Variants in CYP20A1 observed in about 807,000 individuals in gnomAD.
CYP20A1 encodes the protein cytochrome P450 20A1.
Under a neutral mutation model 61.4 loss-of-function variants are expected in CYP20A1, and 61 were observed. The ratio of observed to expected loss-of-function variants is 0.99; its 90% CI spans 0.81 to 1.23. The LOEUF is 1.23. CYP20A1 is among the 50% of genes most tolerant of loss of function. The pLI is 0.00. For synonymous variants in CYP20A1, 193 were observed against 188.2 expected (o/e 1.03, Z -0.21); for missense variants, 530 against 542.4 (o/e 0.98, Z 0.23).
chr2:203,262,148 A>G (rs1341655863), intron 4 of CYP20A1, among the ~76,000 whole-genome samples: 1 of 152,240 alleles, frequency 6.6e-6, no homozygotes, highest in African/African-American at 2.4e-5. Flanking sequence ...ATACTGAGAA[A>G]GCTTAACATC....
In CYP20A1 at chr2:203,298,439, A is replaced by C. The variant is rs1429168390; in HGVS notation, c.*1531A>C. 6.6e-6 allele frequency among the ~76,000 whole-genome samples: 1 copy of C among 150,628 alleles called. No individual in the cohort carries two copies. The highest frequency in any genetic ancestry group is 2.4e-5 in the African/African-American group (1 of 40,894). On this transcript the variant is annotated 3_prime_UTR_variant, in exon 13 of 13. Transcript: ENST00000356079. ...CCGGGCTCGGTGGCTCATGCCTATA[A>C]TACTTTGGGAGGCCGAGGCAGGTGG...
rs141074541 is a variant in CYP20A1, at chr2:203,288,314, C to T, written c.972-1451C>T. ...CTCCTGGCCTCAAGTGATCCACCCGCCTCTGGCTCCCAAAATGCTGGGATT... is the reference window on the plus strand; with the variant it reads ...CTCCTGGCCTCAAGTGATCCACCCGTCTCTGGCTCCCAAAATGCTGGGATT... On this transcript the variant is annotated intron_variant, in intron 9 of 12. Transcript: ENST00000356079. 2.4e-3 allele frequency among the ~76,000 whole-genome samples: 370 copies of T among 151,978 alleles called. 1 individual carries two copies. Among genetic ancestry groups the T allele is most frequent in the African/African-American group, 8.2e-3 (342 of 41,486 alleles).
In CYP20A1 at chr2:203,239,197, C is replaced by T. The variant is rs1031394668; in HGVS notation, c.72+63C>T. ...GCCCCAGTCTCTCTGTCGCCGGCAT[C>T]CAGGCCAACCTGCCCGCTGCGGGCC... On this transcript the variant is annotated intron_variant, in intron 1 of 12. Coordinates refer to ENST00000356079, the MANE Select transcript of CYP20A1 (RefSeq NM_177538.3). The T allele has an allele frequency of 2.7e-5, 37 of 1,380,376 alleles. No homozygotes were observed. The African/African-American group carries it at 4.7e-4, about 18-fold the overall frequency. The allele number at this position is 1,380,376 out of a possible 1,614,324, so 85.5% of individuals were successfully genotyped here. A position where few individuals can be genotyped will look rare whatever the true frequency, so the allele number is the denominator to read the frequency against.
At position 203,298,234 on chromosome 2, in the gene CYP20A1, A is replaced by G. The variant is rs1575289501; in HGVS notation, c.*1326A>G. The stretch of plus-strand genomic sequence containing the variant: ...GAGACCCTGCCTCTACAAATATACA[A>G]AAAAATTACTGGGCATGGTGACACA... On this transcript the variant is annotated 3_prime_UTR_variant, in exon 13 of 13. Transcript: ENST00000356079. 1 of 157,628 alleles carries G rather than the reference A, an allele frequency of 6.3e-6. No homozygotes were observed. The allele number at this position is 157,628 out of a possible 1,614,324, so 9.8% of individuals were successfully genotyped here. A position where few individuals can be genotyped will look rare whatever the true frequency, so the allele number is the denominator to read the frequency against.
At chr2:203,266,414 A>G (rs2067324751) in intron 4 of CYP20A1, 100 bp from the exon 5 acceptor site, 1 of 1,025,738 alleles carries the variant, frequency 9.7e-7, no homozygotes, top group African/African-American at 1.6e-5. Context: ...CTTTGGTTAC[A>G]GAGTTTAACT....
intron 10 of CYP20A1, among the ~76,000 whole-genome samples, chr2:203,291,705 T>G (rs2068542726): frequency 6.6e-6 from 1 of 152,100 alleles, no homozygotes; most frequent in African/African-American, 2.4e-5. Context: ...TACTTTAAGT[T>G]TTAGGGTACA....
chr2:203,272,030 G>A (rs62183904), intron 5 of CYP20A1, among the ~76,000 whole-genome samples: 68,327 of 152,018 alleles, frequency 0.45, 17,021 homozygotes, highest in Middle Eastern at 0.67. Flanking sequence ...CTGTCTCGGC[G>A]TGGGGGAAGA....
In CYP20A1 at chr2:203,301,995, G is replaced by A. The variant is rs1359596179; in HGVS notation, c.*5087G>A. On this transcript the variant is annotated 3_prime_UTR_variant, in exon 13 of 13. Coordinates refer to ENST00000356079, the MANE Select transcript of CYP20A1 (RefSeq NM_177538.3). ...GGCTGGAGTGCCATGGCACCATCTCGGCTCACTGCAACCTCTGCTTCCCAG... is the reference window on the plus strand; with the variant it reads ...GGCTGGAGTGCCATGGCACCATCTCAGCTCACTGCAACCTCTGCTTCCCAG... Among the ~76,000 whole-genome samples, 2 of 138,608 alleles carry A rather than the reference G, an allele frequency of 1.4e-5. No individual in the cohort carries two copies. Among genetic ancestry groups the A allele is most frequent in the African/African-American group, 2.7e-5 (1 of 36,928 alleles). The allele number at this position is 138,608 out of a possible 152,430, so 90.9% of individuals were successfully genotyped here.
At chr2:203,296,362 C>T (rs1363078865) in intron 11 of CYP20A1, 112 bp from the exon 12 acceptor site, 3 of 592,442 alleles carry the variant, frequency 5.1e-6, no homozygotes, top group East Asian at 6.4e-5. Context: ...TGTAAGAGCA[C>T]TTTCTATTTT....
At chr2:203,252,708 T>G (rs550467113) in intron 4 of CYP20A1, among the ~76,000 whole-genome samples, 24 of 152,164 alleles carry the variant, frequency 1.6e-4, no homozygotes, top group African/African-American at 5.5e-4. Context: ...GAGAGTTCCT[T>G]ATTCCCACTA....
At chr2:203,282,136 C>G (rs1575247656) in intron 8 of CYP20A1, among the ~76,000 whole-genome samples, 1 of 145,808 alleles carries the variant, frequency 6.9e-6, no homozygotes, top group Non-Finnish European at 1.5e-5. Context: ...CTCCTCGATT[C>G]AAGTGATTCT....
At chr2:203,292,201 C>T (rs1013977198) in intron 10 of CYP20A1, 61 bp from the exon 11 acceptor site, 7 of 1,064,820 alleles carry the variant, frequency 6.6e-6, no homozygotes, top group African/African-American at 1.6e-5. Flanking sequence ...AATAAGTTGA[C>T]TTTCTAGGAG....
At position 203,303,892 on chromosome 2, in the gene CYP20A1, A is replaced by AC. The variant is rs897739526; in HGVS notation, c.*6984_*6985insC. Reference sequence around the variant, plus strand: ...ACTGTCTCAAAAAAAAAAAAAAAAAAAACTTATTGAGAGAATAATATACCA... The same window carrying AC: ...ACTGTCTCAAAAAAAAAAAAAAAAAACAACTTATTGAGAGAATAATATACCA... On this transcript the variant is annotated 3_prime_UTR_variant, in exon 13 of 13. Coordinates refer to ENST00000356079, the MANE Select transcript of CYP20A1 (RefSeq NM_177538.3). Among the ~76,000 whole-genome samples, 8 of 150,896 alleles carry AC rather than the reference A, an allele frequency of 5.3e-5. No homozygotes were observed. Among genetic ancestry groups the AC allele is most frequent in the African/African-American group, 1.9e-4 (8 of 41,118 alleles).
chr2:203,277,310 T>A (rs1288782144), intron 6 of CYP20A1, among the ~76,000 whole-genome samples: 1 of 149,944 alleles, frequency 6.7e-6, no homozygotes, highest in Non-Finnish European at 1.5e-5. Context: ...ATTGCGCCAC[T>A]GCACCCCAGC....
At chr2:203,264,428 G>A (rs1369608055) in intron 4 of CYP20A1, among the ~76,000 whole-genome samples, 1 of 152,048 alleles carries the variant, frequency 6.6e-6, no homozygotes, top group Non-Finnish European at 1.5e-5. Context: ...TTGCCTTAAA[G>A]TTTATTTTTC....
In CYP20A1 at chr2:203,297,061, AT is replaced by A. The variant is rs2068834263; in HGVS notation, c.*157del. 1 of 518,598 alleles carries A rather than the reference AT, an allele frequency of 1.9e-6. No homozygotes were observed. Among genetic ancestry groups the A allele is most frequent in the African/African-American group, 2.0e-5 (1 of 50,054 alleles). The allele number at this position is 518,598 out of a possible 1,614,324, so 32.1% of individuals were successfully genotyped here. On this transcript the variant is annotated 3_prime_UTR_variant, in exon 13 of 13. Transcript: ENST00000356079. Reference sequence around the variant, plus strand: ...GTAAATTTGGATTTTTATATATCATATTTTCTTAATTCATTGTACACATTTG... The same window carrying A: ...GTAAATTTGGATTTTTATATATCATATTTCTTAATTCATTGTACACATTTG...
At chr2:203,240,289 C>G (rs2066210731) in intron 1 of CYP20A1, among the ~76,000 whole-genome samples, 1 of 152,152 alleles carries the variant, frequency 6.6e-6, no homozygotes, top group Admixed American at 6.5e-5. Context: ...ATCTTATTTT[C>G]TGAGAAACTA....
Position 203,278,558 on chromosome 2 carries a change from G to T in CYP20A1, c.680-15G>T. On this transcript the variant is annotated splice_polypyrimidine_tract_variant and intron_variant, in intron 6 of 12. Transcript: ENST00000356079. ...AATGCTTGTATTCTAAAATTATTTTGTTTTTTTCTCTAAGCCCTCATGCAA... is the reference window on the plus strand; with the variant it reads ...AATGCTTGTATTCTAAAATTATTTTTTTTTTTTCTCTAAGCCCTCATGCAA... 4 of 1,335,000 alleles carry T rather than the reference G, an allele frequency of 3.0e-6. No homozygotes were observed. The highest frequency in any genetic ancestry group is 4.2e-6 in the Non-Finnish European group (4 of 960,742). 82.7% of individuals were successfully genotyped at this position (1,335,000 alleles called of 1,614,324 possible). A position where few individuals can be genotyped will look rare whatever the true frequency, so the allele number is the denominator to read the frequency against.
rs772675394 is a variant in CYP20A1 at position 203,296,712 on chromosome 2, T to C, written c.1239-46T>C. On this transcript the variant is annotated intron_variant, in intron 12 of 12. Coordinates refer to ENST00000356079, the MANE Select transcript of CYP20A1 (RefSeq NM_177538.3). ...ATGTGCAGAACGTGCAGGTTTAAAG[T>C]ATAATTTTTAATCTTTAGTAACTAA... 3 of 1,555,442 alleles carry C rather than the reference T, an allele frequency of 1.9e-6. No individual in the cohort carries two copies. The African/African-American group carries it at 4.2e-5, about 22-fold the overall frequency.
Sources: allele counts gnomAD v4.1 joint callset (sites outside exome capture counted in the v4.1 genomes callset), GRCh38; gene constraint gnomAD v4.1.1; transcripts MANE v1.5; gene names NCBI Gene and HGNC (gene_info 2026-07-23, HGNC 2026-07-21).